The following MTPN variants were observed in gnomAD, a reference collection of about 807,000 sequenced individuals.
MTPN encodes granule cell differentiation protein.
A neutral mutation model predicts 13.5 loss-of-function variants in MTPN; 2 were observed. The ratio of observed to expected loss-of-function variants is 0.15; its 90% CI spans 0.06 to 0.47. The LOEUF is 0.47. MTPN is among the 20% of genes least tolerant of loss of function. The pLI is 0.97. For missense variants in MTPN, 79 were observed against 137.9 expected, an observed-to-expected ratio of 0.57 and a Z score of 2.14; for synonymous variants, 46 against 51.7, an observed-to-expected ratio of 0.89 and a Z score of 0.48.
chr7:135,970,981 A>G (rs972803145), intron 1 of MTPN, among the ~76,000 whole-genome samples: 1 of 152,168 alleles, frequency 6.6e-6, no homozygotes, highest in Non-Finnish European at 1.5e-5. Context: ...AAAACCAATA[A>G]ATGCAAAGTA....
chr7:135,956,564 G>A (rs898704268), intron 1 of MTPN, among the ~76,000 whole-genome samples: 1 of 152,036 alleles, frequency 6.6e-6, no homozygotes, highest in Non-Finnish European at 1.5e-5. Context: ...CAGCAGATGA[G>A]CCCATATCCT....
intron 3 of MTPN, among the ~76,000 whole-genome samples, chr7:135,949,902 T>C (rs1006081736): frequency 1.3e-5 from 2 of 152,220 alleles, no homozygotes; most frequent in African/African-American, 2.4e-5. Flanking sequence ...TTCCAGAGTA[T>C]GGTCATAAAA....
intron 3 of MTPN, among the ~76,000 whole-genome samples, chr7:135,940,278 C>T (rs1019877243): frequency 1.3e-5 from 2 of 152,140 alleles, no homozygotes; most frequent in Non-Finnish European, 2.9e-5. Context: ...TATTTAGTGA[C>T]ATTAAAAATT....
At chr7:135,976,940 C>A in intron 1 of MTPN, 89 bp downstream of exon 1, 2 of 778,880 alleles carry the variant, frequency 2.6e-6, no homozygotes, top group Non-Finnish European at 4.5e-6. Context: ...CGCCCACCCC[C>A]ATCCCCGCAG....
intron 3 of MTPN, among the ~76,000 whole-genome samples, chr7:135,942,084 T>TACC (rs1319834282): frequency 1.3e-5 from 2 of 152,010 alleles, no homozygotes; most frequent in Admixed American, 1.3e-4. Context: ...AGATGGGGTT[T>TACC]AACCATGTTG....
At chr7:135,955,620 TAAGAA>T (rs1172297347) in intron 1 of MTPN, among the ~76,000 whole-genome samples, 1 of 152,130 alleles carries the variant, frequency 6.6e-6, no homozygotes, top group Non-Finnish European at 1.5e-5. Flanking sequence ...AAAGATGTTA[TAAGAA>T]AATACTGTAT....
chr7:135,972,160 C>CAA (rs34871826), intron 1 of MTPN, among the ~76,000 whole-genome samples: 45 of 139,232 alleles, frequency 3.2e-4, no homozygotes, highest in African/African-American at 8.9e-4. Context: ...GTGTTGTTAG[C>CAA]AAAAAAAAAA....
chr7:135,935,160 G>A (rs1447636952), intron 3 of MTPN, among the ~76,000 whole-genome samples: 12 of 151,990 alleles, frequency 7.9e-5, no homozygotes, highest in Admixed American at 7.9e-4. Context: ...ATACTATTAA[G>A]ATTTCCCATC....
At position 135,929,881 on chromosome 7, in the gene MTPN, G is replaced by A; in HGVS notation, c.*45C>T. 1.3e-6 allele frequency: 2 copies of A among 1,572,066 alleles called. No individual in the cohort carries two copies. The highest frequency in any genetic ancestry group is 1.8e-6 in the Non-Finnish European group (2 of 1,141,672). On this transcript the variant is annotated 3_prime_UTR_variant, in exon 4 of 4. Transcript: ENST00000393085. ...ACAGACAGACAGGCAGCAGTGTGAGGCCACAGGAGAGTCATTCTTCCGGAG... is the reference window on the plus strand; with the variant it reads ...ACAGACAGACAGGCAGCAGTGTGAGACCACAGGAGAGTCATTCTTCCGGAG...
intron 3 of MTPN, 40 bp downstream of exon 3, chr7:135,950,559 C>T (rs745946042): frequency 5.1e-5 from 74 of 1,446,800 alleles, no homozygotes; most frequent in East Asian, 1.1e-4. Flanking sequence ...GGCTTAAACA[C>T]AGTAATAGAA....
At chr7:135,950,434 AAC>A (rs1799349064) in intron 3 of MTPN, among the ~76,000 whole-genome samples, 163 bp downstream of exon 3, 1 of 152,234 alleles carries the variant, frequency 6.6e-6, no homozygotes, top group South Asian at 2.1e-4. Flanking sequence ...ACAAACTGGT[AAC>A]AGTTTATGGG....
intron 1 of MTPN, among the ~76,000 whole-genome samples, chr7:135,957,981 G>T (rs1003370664): frequency 1.3e-5 from 2 of 152,042 alleles, no homozygotes; most frequent in African/African-American, 4.8e-5. Flanking sequence ...AATAAACCTT[G>T]TTCTTTATAA....
At chr7:135,950,780 T>C (rs2116374721) in intron 2 of MTPN, 98 bp from the exon 3 acceptor site, 2 of 953,564 alleles carry the variant, frequency 2.1e-6, no homozygotes, top group African/African-American at 3.3e-5. Context: ...CCTATTTGCC[T>C]TTCTAGAAAA....
At chr7:135,942,242 G>C (rs1201182809) in intron 3 of MTPN, among the ~76,000 whole-genome samples, 1 of 152,096 alleles carries the variant, frequency 6.6e-6, no homozygotes, top group Non-Finnish European at 1.5e-5. Context: ...AAAAAAGTAT[G>C]TCCACACTTG....
chr7:135,972,231 G>GCGCACACACACACACACA (rs779296906), intron 1 of MTPN, among the ~76,000 whole-genome samples: 18 of 124,714 alleles, frequency 1.4e-4, no homozygotes, highest in African/African-American at 5.4e-4. Context: ...GCACGCGCGC[G>GCGCACACACACACACACA]CACACACACA....
At chr7:135,974,804 A>G (rs1799748034) in intron 1 of MTPN, among the ~76,000 whole-genome samples, 1 of 152,352 alleles carries the variant, frequency 6.6e-6, no homozygotes, top group African/African-American at 2.4e-5. Context: ...TGAGTCAATA[A>G]ATAAGCAGGG....
chr7:135,969,088 T>TTG (rs1554395537), intron 1 of MTPN, among the ~76,000 whole-genome samples: 3 of 33,604 alleles, frequency 8.9e-5, no homozygotes, highest in African/African-American at 4.4e-4. Context: ...TGTTGTGGGG[T>TTG]GGGGGGGGGG....
At chr7:135,960,268 T>C (rs1256980912) in intron 1 of MTPN, among the ~76,000 whole-genome samples, 1 of 152,118 alleles carries the variant, frequency 6.6e-6, no homozygotes, top group Non-Finnish European at 1.5e-5. Flanking sequence ...CAAGCTACCA[T>C]GAAGAGATAA....
chr7:135,948,690 C>A (rs1355968841), intron 3 of MTPN, among the ~76,000 whole-genome samples: 1 of 152,138 alleles, frequency 6.6e-6, no homozygotes, highest in Non-Finnish European at 1.5e-5. Context: ...GAGTACAGAA[C>A]AATGGTTTGG....
Sources: allele counts gnomAD v4.1 joint callset (sites outside exome capture counted in the v4.1 genomes callset), GRCh38; gene constraint gnomAD v4.1.1; transcripts MANE v1.5; gene names NCBI Gene and HGNC (gene_info 2026-07-23, HGNC 2026-07-21).